TANGO6: variants seen among roughly 807,000 people sequenced by gnomAD.
TANGO6 encodes the protein transport and golgi organization 6 homolog.
A neutral mutation model predicts 114.2 loss-of-function variants in TANGO6; 90 were observed. The observed-to-expected ratio is 0.79, with a 90% confidence interval of 0.66 to 0.94. The LOEUF (loss-of-function observed/expected upper bound fraction) is 0.94. Ranked by LOEUF, TANGO6 falls within the 40% of genes least tolerant of loss-of-function variation. TANGO6 has a pLI of 0.00. For missense variants in TANGO6, 1,274 were observed against 1,315.3 expected, an observed-to-expected ratio of 0.97 and a Z score of 0.49; for synonymous variants, 477 against 509.8, an observed-to-expected ratio of 0.94 and a Z score of 0.87.
chr16:68,882,371 C>T (rs1019767135), intron 7 of TANGO6, among the ~76,000 whole-genome samples: 2 of 151,922 alleles, frequency 1.3e-5, no homozygotes, highest in African/African-American at 4.8e-5. Context: ...GTGGCAGGCA[C>T]CTGTAGTCCC....
intron 7 of TANGO6, among the ~76,000 whole-genome samples, chr16:68,893,238 A>G (rs1237303551): frequency 6.6e-6 from 1 of 152,212 alleles, no homozygotes; most frequent in Non-Finnish European, 1.5e-5. Flanking sequence ...TAGATGAGAT[A>G]CGAAAGAGGC....
chr16:68,938,227 G>A (rs925847661), intron 14 of TANGO6, among the ~76,000 whole-genome samples: 1 of 152,160 alleles, frequency 6.6e-6, no homozygotes, highest in South Asian at 2.1e-4. Context: ...CAGACCTAAT[G>A]GTCTTCCATA....
intron 14 of TANGO6, among the ~76,000 whole-genome samples, chr16:68,950,473 G>T (rs1963460476): frequency 6.6e-6 from 1 of 152,116 alleles, no homozygotes; most frequent in East Asian, 1.9e-4. Flanking sequence ...GCTGAGGCAG[G>T]AGAATCGCTT....
chr16:68,910,859 T>G (rs983581716), intron 11 of TANGO6, among the ~76,000 whole-genome samples: 3 of 151,894 alleles, frequency 2.0e-5, no homozygotes, highest in African/African-American at 7.3e-5. Context: ...GTATTTTTAG[T>G]AGAGATGGGG....
chr16:69,028,856 C>CAAA (rs397761274), intron 16 of TANGO6, among the ~76,000 whole-genome samples: 1 of 65,548 alleles, frequency 1.5e-5, no homozygotes, highest in Non-Finnish European at 3.4e-5. Flanking sequence ...CCCAGTTTAA[C>CAAA]AAAAAAAAAA....
rs529928402 is a variant in TANGO6 at position 68,926,527 on chromosome 16, A to G, written c.2128-1041A>G. On this transcript the variant is annotated intron_variant, in intron 12 of 17. Transcript: ENST00000261778. ...AAAGAAAAAAATAAAAATAAAAAGG[A>G]TTTTTTTTTCTTTTTTTTGAGACAG... 8.0e-5 allele frequency among the ~76,000 whole-genome samples: 12 copies of G among 150,188 alleles called. No individual in the cohort carries two copies. In the East Asian group the frequency reaches 2.4e-3, roughly 30 times the overall value.
Position 68,900,490 on chromosome 16 carries a change from C to G in TANGO6, c.1434C>G (p.Val478=). 6.2e-7 allele frequency: 1 copy of G among 1,613,982 alleles called. No individual in the cohort carries two copies. Among genetic ancestry groups the G allele is most frequent in the Non-Finnish European group, 8.5e-7 (1 of 1,179,884 alleles). Residue 478 remains valine, a synonymous_variant, in exon 8 of 18, where the codon GTC becomes GTG. Coordinates refer to ENST00000261778, the MANE Select transcript of TANGO6 (RefSeq NM_024562.2). ...LTVLMDSLLP[V]LGVLFLLYCF... ...TTTTGATGGATTCCCTGCTTCCAGT[C>G]CTGGGAGTGCTTTTTCTTCTCTACT...
At chr16:69,034,884 A>G (rs1418056914) in intron 16 of TANGO6, 9 of 142,504 alleles carry the variant, frequency 6.3e-5, no homozygotes, top group Non-Finnish European at 9.2e-5. Context: ...TTTTTTTTCA[A>G]TTTTTCCTTG....
chr16:68,929,621 A>G (rs1963214586), intron 13 of TANGO6, among the ~76,000 whole-genome samples: 1 of 152,216 alleles, frequency 6.6e-6, no homozygotes, highest in Admixed American at 6.5e-5. Context: ...GCCTAAACCT[A>G]ACATATCATG....
intron 17 of TANGO6, among the ~76,000 whole-genome samples, chr16:69,079,365 A>G (rs905925014): frequency 6.6e-6 from 1 of 151,526 alleles, no homozygotes; most frequent in Non-Finnish European, 1.5e-5. Flanking sequence ...AATATAAAAG[A>G]AAATAAAGAA....
At chr16:68,959,721 G>T (rs1963571498) in intron 14 of TANGO6, among the ~76,000 whole-genome samples, 2 of 152,232 alleles carry the variant, frequency 1.3e-5, no homozygotes, top group African/African-American at 4.8e-5. Context: ...CTTTTCTCAG[G>T]ACACTTGGAG....
chr16:68,875,542 G>A (rs904210248), intron 5 of TANGO6, among the ~76,000 whole-genome samples: 8 of 152,072 alleles, frequency 5.3e-5, no homozygotes, highest in Non-Finnish European at 1.0e-4. Context: ...CGAGGCAGGC[G>A]GATCACCTGA....
intron 16 of TANGO6, among the ~76,000 whole-genome samples, chr16:69,024,519 G>A (rs953199138): frequency 6.6e-6 from 1 of 151,678 alleles, no homozygotes; most frequent in East Asian, 1.9e-4. Flanking sequence ...TGCTCGCCTC[G>A]GCCTCCCAAA....
intron 12 of TANGO6, among the ~76,000 whole-genome samples, chr16:68,927,145 A>G (rs1963177591): frequency 6.6e-6 from 1 of 152,118 alleles, no homozygotes; most frequent in African/African-American, 2.4e-5. Flanking sequence ...TGTAGTTAAG[A>G]ACAGCCTTAT....
At chr16:69,024,396 G>C (rs946331131) in intron 16 of TANGO6, among the ~76,000 whole-genome samples, 2 of 151,850 alleles carry the variant, frequency 1.3e-5, no homozygotes, top group African/African-American at 2.4e-5. Context: ...AGCCTCCCGA[G>C]TAGCTGGGAT....
chr16:68,901,723 G>A (rs1962787980), intron 8 of TANGO6, among the ~76,000 whole-genome samples: 1 of 152,046 alleles, frequency 6.6e-6, no homozygotes, highest in African/African-American at 2.4e-5. Flanking sequence ...CCTGACCTCA[G>A]GTGATCCACC....
chr16:68,872,363 A>C, intron 4 of TANGO6, among the ~76,000 whole-genome samples: 1 of 150,026 alleles, frequency 6.7e-6, no homozygotes, highest in East Asian at 2.0e-4. Context: ...GTGCAATGGC[A>C]CGATCTTTGC....
At chr16:69,071,173 C>T (rs1960293246) in intron 17 of TANGO6, among the ~76,000 whole-genome samples, 1 of 152,150 alleles carries the variant, frequency 6.6e-6, no homozygotes, top group Non-Finnish European at 1.5e-5. Flanking sequence ...CATTATCAAT[C>T]TATTCCCTTA....
At chr16:68,891,945 G>T (rs1962628469) in intron 7 of TANGO6, among the ~76,000 whole-genome samples, 1 of 149,580 alleles carries the variant, frequency 6.7e-6, no homozygotes, top group South Asian at 2.2e-4. Context: ...GAGAGAGGAA[G>T]GAAGGAAGGC....
Sources: allele counts gnomAD v4.1 joint callset (sites outside exome capture counted in the v4.1 genomes callset), GRCh38; gene constraint gnomAD v4.1.1; transcripts MANE v1.5; gene names NCBI Gene and HGNC (gene_info 2026-07-23, HGNC 2026-07-21).